RSBN1: variants seen among roughly 807,000 people sequenced by gnomAD.
RSBN1 encodes lysine-specific demethylase 9.
RSBN1 carries 23 observed loss-of-function variants against 74.8 expected under a neutral mutation model. That is an observed-to-expected ratio of 0.31 (90% CI 0.22 to 0.44). The LOEUF (loss-of-function observed/expected upper bound fraction) is 0.44. Ranked by LOEUF, RSBN1 falls within the 20% of genes least tolerant of loss-of-function variation. RSBN1 has a pLI of 1.00. For missense variants in RSBN1, 808 were observed against 1,020.9 expected (o/e 0.79, Z 2.84); for synonymous variants, 407 against 379.6 (o/e 1.07, Z -0.84).
chr1:113,786,176 AG>A (rs1322112381), intron 2 of RSBN1, among the ~76,000 whole-genome samples: 1 of 152,252 alleles, frequency 6.6e-6, no homozygotes, highest in African/African-American at 2.4e-5. Context: ...TGGATATGAT[AG>A]ATAAGAGAAA....
intron 2 of RSBN1, among the ~76,000 whole-genome samples, chr1:113,785,106 G>A (rs955917891): frequency 2.0e-5 from 3 of 150,978 alleles, no homozygotes; most frequent in African/African-American, 7.3e-5. Context: ...TATTCTGTAA[G>A]GTATTTTCTA....
Position 113,776,671 on chromosome 1 carries a change from T to A in RSBN1, c.1658+539A>T, listed in dbSNP as rs193177988. Among the ~76,000 whole-genome samples the A allele has an allele frequency of 9.0e-3, 1,370 of 152,126 alleles. 7 individuals are homozygous for A. The highest frequency in any genetic ancestry group is 0.017 in the Middle Eastern group (5 of 294). ...AATAAAATACACAAAACAATTTTTT[T>A]AATCAGATGGGCATGGTGGTACACA... On this transcript the variant is annotated intron_variant, in intron 4 of 6. Coordinates refer to ENST00000261441, the MANE Select transcript of RSBN1 (RefSeq NM_018364.5).
chr1:113,762,464 G>A lies in RSBN1; in HGVS notation c.*3516C>T, dbSNP rs772761990. ...TTGCATGGCCAATAAATACAGCTAC[G>A]ACCTGTTTGAAAAACAAAACAGATG... On this transcript the variant is annotated 3_prime_UTR_variant, in exon 7 of 7. Transcript: ENST00000261441. 3.9e-5 allele frequency: 6 copies of A among 152,530 alleles called. No homozygotes were observed. The highest frequency in any genetic ancestry group is 1.9e-4 in the East Asian group (1 of 5,330). 9.4% of individuals were successfully genotyped at this position (152,530 alleles called of 1,614,324 possible). A position where few individuals can be genotyped will look rare whatever the true frequency, so the allele number is the denominator to read the frequency against.
rs138275719 is a variant in RSBN1 at position 113,809,887 on chromosome 1, T to C, written c.703+1823A>G. On this transcript the variant is annotated intron_variant, in intron 1 of 6. Transcript: ENST00000261441. ...TCAGGAACCACATACGGCTACCATATTGGTCAGCACAAATACAGAAAATTT... is the reference window on the plus strand; with the variant it reads ...TCAGGAACCACATACGGCTACCATACTGGTCAGCACAAATACAGAAAATTT... 5.1e-3 allele frequency among the ~76,000 whole-genome samples: 774 copies of C among 152,326 alleles called. 7 individuals are homozygous for C. The highest frequency in any genetic ancestry group is 0.016 in the African/African-American group (664 of 41,570).
At chr1:113,805,840 A>C (rs1660689369) in intron 1 of RSBN1, among the ~76,000 whole-genome samples, 2 of 152,196 alleles carry the variant, frequency 1.3e-5, no homozygotes, top group South Asian at 4.1e-4. Context: ...AAGGGTGGCA[A>C]ACTTCTCTAA....
intron 1 of RSBN1, among the ~76,000 whole-genome samples, chr1:113,800,859 C>CA (rs544522451): frequency 2.7e-5 from 4 of 150,684 alleles, no homozygotes; most frequent in African/African-American, 9.7e-5. Context: ...ACAAAAAAAA[C>CA]AAAAAAAGAG....
At chr1:113,767,683 C>T (rs1022262221) in intron 5 of RSBN1, among the ~76,000 whole-genome samples, 5 of 152,144 alleles carry the variant, frequency 3.3e-5, no homozygotes, top group Non-Finnish European at 7.4e-5. Flanking sequence ...CATGTTCACA[C>T]CAGCATTATT....
chr1:113,803,945 A>C (rs1215114262), intron 1 of RSBN1, among the ~76,000 whole-genome samples: 1 of 149,068 alleles, frequency 6.7e-6, no homozygotes, highest in Non-Finnish European at 1.5e-5. Flanking sequence ...TTTACAAAAA[A>C]AAAAAAAAAA....
At chr1:113,779,760 T>C (rs1048107461) in intron 2 of RSBN1, among the ~76,000 whole-genome samples, 6 of 152,100 alleles carry the variant, frequency 3.9e-5, no homozygotes, top group African/African-American at 1.4e-4. Flanking sequence ...CGGTGGTGCA[T>C]GCCTGTAATC....
At position 113,797,645 on chromosome 1, in the gene RSBN1, C is replaced by T. The variant is rs765534033; in HGVS notation, c.1095G>A (p.Gln365=). 1 of 1,614,022 alleles carries T rather than the reference C, an allele frequency of 6.2e-7. No individual in the cohort carries two copies. Among genetic ancestry groups the T allele is most frequent in the Non-Finnish European group, 8.5e-7 (1 of 1,179,980 alleles). ...GAAGGACAAGAGCACCACCATTGGA[C>T]TGGTGTTCCTCATGAATAAAGTTGC... The part of the protein sequence containing the change: ...KFSNFIHEEH[Q]SNGGALVLHA... The change falls in exon 2 of 7, where the codon CAG becomes CAA. Residue 365 remains glutamine (Q), a synonymous_variant. Coordinates refer to ENST00000261441, the MANE Select transcript of RSBN1 (RefSeq NM_018364.5).
At chr1:113,794,922 A>T (rs1317420199) in intron 2 of RSBN1, among the ~76,000 whole-genome samples, 1 of 152,234 alleles carries the variant, frequency 6.6e-6, no homozygotes, top group Non-Finnish European at 1.5e-5. Context: ...TTATGGCTAC[A>T]TATTTAAACT....
At chr1:113,777,485 TA>T (rs1176914507) in intron 3 of RSBN1, 133 bp from the exon 4 acceptor site, 5 of 927,200 alleles carry the variant, frequency 5.4e-6, no homozygotes, top group Non-Finnish European at 7.8e-6. Context: ...ATTTACATAG[TA>T]ATTTATATTA....
chr1:113,793,817 G>A (rs1455587971), intron 2 of RSBN1, among the ~76,000 whole-genome samples: 7 of 151,892 alleles, frequency 4.6e-5, no homozygotes, highest in Non-Finnish European at 7.4e-5. Flanking sequence ...ACAGGCGCCC[G>A]CCACCATGTC....
chr1:113,780,611 C>A (rs574460636), intron 2 of RSBN1, among the ~76,000 whole-genome samples: 1 of 152,174 alleles, frequency 6.6e-6, no homozygotes, highest in African/African-American at 2.4e-5. Context: ...ATAATTTCGC[C>A]AAGACCAACA....
intron 2 of RSBN1, among the ~76,000 whole-genome samples, chr1:113,787,163 T>G (rs75579424): frequency 0.023 from 3,547 of 152,296 alleles, 143 homozygotes; most frequent in African/African-American, 0.08. Flanking sequence ...AAGTCCTCTT[T>G]TGTGTGATCA....
At chr1:113,788,757 G>A (rs940883444) in intron 2 of RSBN1, among the ~76,000 whole-genome samples, 1 of 152,044 alleles carries the variant, frequency 6.6e-6, no homozygotes, top group East Asian at 1.9e-4. Context: ...ACAGGAGAAA[G>A]GACAAATAGA....
chr1:113,763,969 C>G lies in RSBN1; in HGVS notation c.*2011G>C, dbSNP rs1486726292. 6.6e-6 allele frequency: 1 copy of G among 152,264 alleles called. No individual in the cohort carries two copies. Among genetic ancestry groups the G allele is most frequent in the Non-Finnish European group, 1.5e-5 (1 of 67,992 alleles). The allele number at this position is 152,264 out of a possible 1,614,324, so 9.4% of individuals were successfully genotyped here. On this transcript the variant is annotated 3_prime_UTR_variant, in exon 7 of 7. Transcript: ENST00000261441. ...AAAAAAAAAATTTTTGCTTTAACAG[C>G]CTTCTCTTCATGATTATTTTTAAAA...
chr1:113,768,518 G>T, intron 4 of RSBN1, 129 bp from the exon 5 acceptor site: 2 of 587,160 alleles, frequency 3.4e-6, no homozygotes, highest in Non-Finnish European at 5.9e-6. Flanking sequence ...GGACTGAGAA[G>T]GGTTCAATGA....
At chr1:113,792,702 A>G (rs1660390432) in intron 2 of RSBN1, among the ~76,000 whole-genome samples, 2 of 152,172 alleles carry the variant, frequency 1.3e-5, no homozygotes, top group African/African-American at 2.4e-5. Flanking sequence ...GAAACAGTAG[A>G]AAGACTACTA....
Sources: allele counts gnomAD v4.1 joint callset (sites outside exome capture counted in the v4.1 genomes callset), GRCh38; gene constraint gnomAD v4.1.1; transcripts MANE v1.5; gene names NCBI Gene and HGNC (gene_info 2026-07-23, HGNC 2026-07-21).